Variants in KAT6B observed in about 807,000 individuals in gnomAD.
KAT6B encodes histone acetyltransferase KAT6B.
Under a neutral mutation model 187.5 loss-of-function variants are expected in KAT6B, and 10 were observed. The observed-to-expected ratio is 0.05, with a 90% CI of 0.03 to 0.09. The LOEUF is 0.09. Among genes scored for constraint, KAT6B ranks in the 10% least tolerant of loss-of-function variants. The probability of loss-of-function intolerance (pLI) is 1.00; values close to 1 mark genes in which losing one functional copy is unlikely to be tolerated. For synonymous variants in KAT6B, 861 were observed against 926.8 expected, an observed-to-expected ratio of 0.93 and a Z score of 1.29; for missense variants, 1,952 against 2,558.9, an observed-to-expected ratio of 0.76 and a Z score of 5.12.
chr10:75,018,451 G>A (rs1845147918), intron 13 of KAT6B, among the ~76,000 whole-genome samples: 1 of 152,230 alleles, frequency 6.6e-6, no homozygotes, highest in South Asian at 2.1e-4. Flanking sequence ...TTGCCTGCTG[G>A]TTTGAGTGGC....
chr10:74,843,569 A>G (rs1589453443), intron 3 of KAT6B, 91 bp downstream of exon 3: 6 of 1,471,642 alleles, frequency 4.1e-6, no homozygotes, highest in Non-Finnish European at 4.7e-6. Flanking sequence ...AAAGTTCTGA[A>G]TAAAGTTTGA....
intron 3 of KAT6B, among the ~76,000 whole-genome samples, chr10:74,929,764 G>A (rs112210017): frequency 7.2e-5 from 11 of 152,118 alleles, no homozygotes; most frequent in African/African-American, 2.7e-4. Flanking sequence ...ATTCTTACTT[G>A]TGTTTTCAAG....
In KAT6B at chr10:74,878,509, A is replaced by T. The variant is rs565289057; in HGVS notation, c.621+35031A>T. Among the ~76,000 whole-genome samples the T allele has an allele frequency of 6.0e-5, 9 of 151,254 alleles. 1 individual carries two copies. The highest frequency in any genetic ancestry group is 2.7e-4 in the Admixed American group (4 of 15,074). ...GTAGCATGTGCCTGTAATCCCAGCTACTCGGGAGGCTGAGGCAGGAGAATC... is the reference window on the plus strand; with the variant it reads ...GTAGCATGTGCCTGTAATCCCAGCTTCTCGGGAGGCTGAGGCAGGAGAATC... On this transcript the variant is annotated intron_variant, in intron 3 of 17. Transcript: ENST00000287239.
At chr10:74,959,035 TATAAATAAATAA>T (rs10652616) in intron 3 of KAT6B, among the ~76,000 whole-genome samples, 13 of 144,508 alleles carry the variant, frequency 9.0e-5, no homozygotes, top group South Asian at 4.7e-4. Context: ...AGACTCTGTC[TATAAATAAATAA>T]ATAAATAAAT....
chr10:74,852,664 A>G (rs960797520), intron 3 of KAT6B, among the ~76,000 whole-genome samples: 3 of 152,228 alleles, frequency 2.0e-5, no homozygotes, highest in African/African-American at 4.8e-5. Context: ...GCTTTTATCA[A>G]GATGGGACTT....
At chr10:74,859,312 T>C (rs764050311) in intron 3 of KAT6B, among the ~76,000 whole-genome samples, 1 of 151,984 alleles carries the variant, frequency 6.6e-6, no homozygotes, top group Non-Finnish European at 1.5e-5. Flanking sequence ...TTTGAACCCC[T>C]GGCCTCAAGA....
chr10:74,826,937 C>A, intron 1 of KAT6B, among the ~76,000 whole-genome samples, 152 bp downstream of exon 1: 1 of 145,906 alleles, frequency 6.9e-6, no homozygotes. Context: ...TGCCCCTGAG[C>A]GTGACGGTAG....
At chr10:74,840,364 G>A (rs888116074) in intron 2 of KAT6B, among the ~76,000 whole-genome samples, 5 of 152,190 alleles carry the variant, frequency 3.3e-5, no homozygotes, top group Admixed American at 1.3e-4. Flanking sequence ...GGGTTTTGTC[G>A]TTAGTGGTTT....
At chr10:75,016,497 C>T (rs1230798807) in intron 13 of KAT6B, among the ~76,000 whole-genome samples, 1 of 152,230 alleles carries the variant, frequency 6.6e-6, no homozygotes, top group Non-Finnish European at 1.5e-5. Context: ...AGGAAGCCAG[C>T]TTTTGCTACG....
At chr10:74,880,064 A>AT (rs1408110138) in intron 3 of KAT6B, among the ~76,000 whole-genome samples, 1 of 152,222 alleles carries the variant, frequency 6.6e-6, no homozygotes, top group Non-Finnish European at 1.5e-5. Context: ...ATAAAGGTAG[A>AT]TTAAAAAAAA....
chr10:75,028,617 A>G lies in KAT6B; in HGVS notation c.3793A>G (p.Arg1265Gly), dbSNP rs1401786557. The change falls in exon 18 of 18, where the codon AGG becomes GGG. Residue 1265 changes from arginine (R) to glycine (G), a missense_variant. By Grantham distance (125) the Arg-to-Gly change is moderately radical (BLOSUM62 -2). Around this residue, in one of 9 missense-constraint regions of KAT6B, gnomAD observed 758 missense variants for 891.4 expected, o/e 0.85. Coordinates refer to ENST00000287239, the MANE Select transcript of KAT6B (RefSeq NM_012330.4). The part of the protein sequence containing the change: ...GLSKWRQNKE[R>G]KTGFKLNLYT... The stretch of plus-strand genomic sequence containing the variant: ...ATCTAAGTGGAGGCAAAACAAAGAG[A>G]GGAAGACCGGATTTAAACTGAATTT... 6.2e-7 allele frequency: 1 copy of G among 1,614,084 alleles called. No individual in the cohort carries two copies. The highest frequency in any genetic ancestry group is 8.5e-7 in the Non-Finnish European group (1 of 1,180,052).
intron 1 of KAT6B, among the ~76,000 whole-genome samples, chr10:74,829,111 G>A (rs1167769920): frequency 1.3e-5 from 2 of 152,136 alleles, no homozygotes; most frequent in Non-Finnish European, 2.9e-5. Flanking sequence ...GTCGGCAGAG[G>A]AAGTTTTGCT....
chr10:74,972,705 C>G (rs1191076837), intron 7 of KAT6B, 66 bp downstream of exon 7: 1 of 1,419,198 alleles, frequency 7.0e-7, no homozygotes, highest in African/African-American at 1.4e-5. Context: ...GATTGTTATT[C>G]TCTCAGATTC....
intron 3 of KAT6B, among the ~76,000 whole-genome samples, chr10:74,910,339 A>G (rs1847112102): frequency 6.6e-6 from 1 of 152,124 alleles, no homozygotes; most frequent in Admixed American, 6.6e-5. Flanking sequence ...CTCAATAATA[A>G]TGGCATGAAA....
At chr10:74,980,013 G>T (rs1050125192) in intron 10 of KAT6B, among the ~76,000 whole-genome samples, 1 of 152,140 alleles carries the variant, frequency 6.6e-6, no homozygotes. Context: ...ACAAAAATTA[G>T]CCAGACGTGA....
At chr10:74,876,998 G>T (rs139638477) in intron 3 of KAT6B, among the ~76,000 whole-genome samples, 1 of 151,444 alleles carries the variant, frequency 6.6e-6, no homozygotes, top group Non-Finnish European at 1.5e-5. Flanking sequence ...GAAAAGTCTC[G>T]CTCTGTTGCT....
chr10:74,982,296 T>C (rs1176601978), intron 11 of KAT6B: 1 of 313,660 alleles, frequency 3.2e-6, no homozygotes, highest in East Asian at 8.5e-5. Flanking sequence ...TGCTCACTCT[T>C]CCAGGGAATT....
intron 13 of KAT6B, among the ~76,000 whole-genome samples, chr10:75,006,945 G>T (rs757540159): frequency 2.6e-5 from 4 of 151,780 alleles, no homozygotes; most frequent in Non-Finnish European, 5.9e-5. Flanking sequence ...GCATGCACCT[G>T]TAGTCCCAGC....
Position 75,029,437 on chromosome 10 carries a change from A to G in KAT6B, c.4613A>G (p.Asp1538Gly), listed in dbSNP as rs1339053392. The G allele has an allele frequency of 6.2e-7, 1 of 1,613,786 alleles. No homozygotes were observed. Among genetic ancestry groups the G allele is most frequent in the African/African-American group, 1.3e-5 (1 of 74,788 alleles). The change falls in exon 18 of 18, where the codon GAC (aspartate) becomes GGC (glycine). Residue 1538 changes from aspartate to glycine, a missense_variant. By Grantham distance (94) the Asp-to-Gly change is moderately conservative (BLOSUM62 -1). Coordinates refer to ENST00000287239, the MANE Select transcript of KAT6B (RefSeq NM_012330.4). The surrounding 1 kb of genome is among the most constrained non-coding windows in gnomAD (Gnocchi z 6.2). Reference protein sequence around the residue: ...KEGNPATMEIDSETVQAVQSL... With the variant: ...KEGNPATMEIGSETVQAVQSL... ...GGAAACCCAGCAACCATGGAAATCG[A>G]CTCTGAGACTGTCCAGGCCGTTCAG... is the stretch of plus-strand genomic sequence containing the variant.
Sources: allele counts gnomAD v4.1 joint callset (sites outside exome capture counted in the v4.1 genomes callset), GRCh38; gene constraint gnomAD v4.1.1; regional missense constraint gnomAD v4.1.1; non-coding constraint Gnocchi (gnomAD v3.1); transcripts MANE v1.5; gene names NCBI Gene and HGNC (gene_info 2026-07-23, HGNC 2026-07-21).